The following CNTNAP4 variants were observed in gnomAD, a reference collection of about 807,000 sequenced individuals.
CNTNAP4 encodes contactin associated protein family member 4, also known as contactin-associated protein-like 4.
In CNTNAP4, 98 loss-of-function variants were observed where a neutral mutation model predicts 148.4. The ratio of observed to expected loss-of-function variants is 0.66; its 90% CI spans 0.56 to 0.78. CNTNAP4 has a LOEUF of 0.78. CNTNAP4 is among the 30% of genes least tolerant of loss of function. The pLI, the probability that CNTNAP4 is intolerant of heterozygous loss-of-function variation, is 0.00. For missense variants in CNTNAP4, 1,935 were observed against 1,565.6 expected (o/e 1.24, Z -3.98); for synonymous variants, 730 against 565.1 (o/e 1.29, Z -4.14).
chr16:76,496,448 A>T (rs2082405861), intron 14 of CNTNAP4, among the ~76,000 whole-genome samples: 1 of 152,164 alleles, frequency 6.6e-6, no homozygotes, highest in South Asian at 2.1e-4. Context: ...ACTTGCATAG[A>T]GCTAACCCTT....
intron 3 of CNTNAP4, among the ~76,000 whole-genome samples, chr16:76,419,449 C>T (rs535138870): frequency 6.6e-6 from 1 of 152,030 alleles, no homozygotes; most frequent in Non-Finnish European, 1.5e-5. Context: ...TGGATGGGTT[C>T]TTGGAGGTAA....
chr16:76,522,171 T>A lies in CNTNAP4; in HGVS notation c.2669T>A (p.Leu890His). 1 of 1,613,944 alleles carries A rather than the reference T, an allele frequency of 6.2e-7. No homozygotes were observed. The highest frequency in any genetic ancestry group is 8.5e-7 in the Non-Finnish European group (1 of 1,179,876). ...GAAAGGAACATGAAGGAGGCCTCCCTTCAAGTGGATCAGCTGACACCAAAG... is the reference window on the plus strand; with the variant it reads ...GAAAGGAACATGAAGGAGGCCTCCCATCAAGTGGATCAGCTGACACCAAAG... ...RVERNMKEASLQVDQLTPKTQ... is the reference protein window; with the variant it reads ...RVERNMKEASHQVDQLTPKTQ... The change falls in exon 17 of 24, where the codon CTT becomes CAT. Residue 890 changes from leucine to histidine, a missense_variant. Leu to His is a moderately conservative substitution (Grantham distance 99). Transcript: ENST00000611870.
intron 10 of CNTNAP4, among the ~76,000 whole-genome samples, chr16:76,474,138 G>A (rs1437485436): frequency 4.6e-5 from 7 of 152,146 alleles, no homozygotes; most frequent in Admixed American, 1.3e-4. Flanking sequence ...AGTGAGATGA[G>A]GCCATCTGTG....
intron 11 of CNTNAP4, among the ~76,000 whole-genome samples, chr16:76,476,251 GA>G (rs1343254336): frequency 6.6e-6 from 1 of 152,208 alleles, no homozygotes; most frequent in Non-Finnish European, 1.5e-5. Flanking sequence ...ACATATAGAA[GA>G]TGAAAGGTAG....
intron 17 of CNTNAP4, among the ~76,000 whole-genome samples, chr16:76,529,577 CCGCAATTTTTGTTTCCAGT>C (rs1005111509): frequency 5.3e-5 from 8 of 152,180 alleles, no homozygotes; most frequent in Non-Finnish European, 1.2e-4. Context: ...TCAACCAGCT[CCGCAATTTTTGTTTCCAGT>C]CTCAATTCTT....
At chr16:76,555,319 T>C (rs957519607) in intron 23 of CNTNAP4, among the ~76,000 whole-genome samples, 1 of 152,130 alleles carries the variant, frequency 6.6e-6, no homozygotes. Flanking sequence ...TTATAAAAAA[T>C]AGGATTCCCA....
chr16:76,485,127 C>CT (rs1157687224), intron 12 of CNTNAP4, among the ~76,000 whole-genome samples: 1 of 151,684 alleles, frequency 6.6e-6, no homozygotes, highest in Admixed American at 6.6e-5. Context: ...TTCTTTTTTT[C>CT]TTTTTTTGAG....
chr16:76,278,487 A>G (rs1958567428), intron 1 of CNTNAP4, among the ~76,000 whole-genome samples: 2 of 152,196 alleles, frequency 1.3e-5, no homozygotes, highest in Admixed American at 6.5e-5. Context: ...GAAGATTGAA[A>G]TCTTATTTAT....
At chr16:76,520,256 G>A (rs1201947777) in intron 15 of CNTNAP4, among the ~76,000 whole-genome samples, 1 of 152,220 alleles carries the variant, frequency 6.6e-6, no homozygotes, top group African/African-American at 2.4e-5. Flanking sequence ...AGCTCATGCT[G>A]TTGCATTTAT....
chr16:76,496,085 T>TTGTGTGTG (rs5817999), intron 14 of CNTNAP4, among the ~76,000 whole-genome samples: 8,114 of 139,800 alleles, frequency 0.058, 247 homozygotes, highest in East Asian at 0.071. Flanking sequence ...CAAGATTATG[T>TTGTGTGTG]TGTGTGTGTG....
intron 3 of CNTNAP4, among the ~76,000 whole-genome samples, chr16:76,369,515 T>A (rs2014552439): frequency 6.6e-6 from 1 of 152,136 alleles, no homozygotes; most frequent in Admixed American, 6.5e-5. Flanking sequence ...GAAGCTCAGA[T>A]GTCCAAAGGC....
intron 3 of CNTNAP4, among the ~76,000 whole-genome samples, chr16:76,408,432 C>G (rs1027754680): frequency 3.7e-5 from 5 of 136,568 alleles, no homozygotes; most frequent in Non-Finnish European, 7.4e-5. Flanking sequence ...CCCACATTCA[C>G]TAGATACACA....
chr16:76,307,717 C>A (rs527843050), intron 1 of CNTNAP4, among the ~76,000 whole-genome samples: 1 of 151,964 alleles, frequency 6.6e-6, no homozygotes, highest in Non-Finnish European at 1.5e-5. Flanking sequence ...ATTTCTTCTA[C>A]CCCTTCACCT....
At chr16:76,460,773 A>ATAAATATATATAT (rs1555564517) in intron 8 of CNTNAP4, among the ~76,000 whole-genome samples, 7 of 57,324 alleles carry the variant, frequency 1.2e-4, no homozygotes, top group African/African-American at 4.5e-4. Context: ...AAAAAAAAAA[A>ATAAATATATATAT]ATATATATAT....
In CNTNAP4 at chr16:76,338,078, C is replaced by T. The variant is rs569839553; in HGVS notation, c.197-17240C>T. 5.3e-4 allele frequency among the ~76,000 whole-genome samples: 81 copies of T among 151,982 alleles called. 1 individual carries two copies. The Middle Eastern group carries it at 0.031, about 57-fold the overall frequency. ...ATACATCCTAAGCTTACAAAGATGA[C>T]GGGATTAAGAGATTAAAGTAAAGAC... On this transcript the variant is annotated intron_variant, in intron 2 of 23. Coordinates refer to ENST00000611870, the MANE Select transcript of CNTNAP4 (RefSeq NM_033401.5).
intron 3 of CNTNAP4, among the ~76,000 whole-genome samples, chr16:76,419,612 A>G (rs919139862): frequency 6.6e-6 from 1 of 151,894 alleles, no homozygotes; most frequent in South Asian, 2.1e-4. Flanking sequence ...AGGTGGATGG[A>G]TCTCAGCTCT....
intron 4 of CNTNAP4, among the ~76,000 whole-genome samples, chr16:76,447,589 A>G (rs1435765082): frequency 6.6e-6 from 1 of 152,160 alleles, no homozygotes; most frequent in Non-Finnish European, 1.5e-5. Flanking sequence ...ACAGTGGTGT[A>G]GAGACAATAT....
chr16:76,521,145 T>G lies in CNTNAP4; in HGVS notation c.2371T>G (p.Phe791Val), dbSNP rs1009337444. ...GPLLCQGDRS[F>V]WNSASFDTEA... ...TTTTTTTTTTCACAAAACAGGATCA[T>G]TTTGGAATTCAGCTTCCTTTGATAC... The change falls in exon 16 of 24, where the codon TTT becomes GTT. Residue 791 changes from phenylalanine to valine, a missense_variant. Coordinates refer to ENST00000611870, the MANE Select transcript of CNTNAP4 (RefSeq NM_033401.5). 4.4e-6 allele frequency: 7 copies of G among 1,580,690 alleles called. No homozygotes were observed. The highest frequency in any genetic ancestry group is 6.0e-6 in the Non-Finnish European group (7 of 1,170,610).
intron 1 of CNTNAP4, among the ~76,000 whole-genome samples, chr16:76,302,569 T>C (rs145858776): frequency 2.2e-4 from 34 of 152,278 alleles, no homozygotes; most frequent in African/African-American, 7.7e-4. Context: ...CCTTTAGACC[T>C]TTTGAAGGTC....
Sources: gnomAD v4.1 joint callset for allele counts (sites outside exome capture counted in the v4.1 genomes callset) on GRCh38, gnomAD v4.1.1 for gene constraint, MANE v1.5 for transcripts, NCBI Gene and HGNC (gene_info 2026-07-23, HGNC 2026-07-21) for gene names.